CREB5: variants seen among roughly 807,000 people sequenced by gnomAD.
CREB5 encodes the protein cAMP responsive element binding protein 5.
Under a neutral mutation model 57.1 loss-of-function variants are expected in CREB5, and 19 were observed. The observed-to-expected ratio is 0.33, with a 90% confidence interval of 0.23 to 0.49. CREB5 has a LOEUF of 0.49. CREB5 is among the 20% of genes least tolerant of loss of function. CREB5 has a pLI of 0.99. For synonymous variants in CREB5, 238 were observed against 238.3 expected, an observed-to-expected ratio of 1.00 and a Z score of 0.01; for missense variants, 579 against 671.6, an observed-to-expected ratio of 0.86 and a Z score of 1.52.
At chr7:28,745,187 C>A (rs543345217) in intron 7 of CREB5, among the ~76,000 whole-genome samples, 146 of 152,306 alleles carry the variant, frequency 9.6e-4, no homozygotes, top group African/African-American at 3.4e-3. Context: ...TGTAGTCGCT[C>A]TTTCAATGAT....
intron 5 of CREB5, among the ~76,000 whole-genome samples, chr7:28,691,880 C>A (rs1031465361): frequency 1.3e-5 from 2 of 151,848 alleles, no homozygotes; most frequent in Admixed American, 1.3e-4. Context: ...AAAAAAGAAG[C>A]AGCTGTGGCT....
intron 5 of CREB5, among the ~76,000 whole-genome samples, chr7:28,630,347 T>A (rs984103): frequency 0.36 from 53,930 of 151,694 alleles, 9,793 homozygotes; most frequent in East Asian, 0.52. Flanking sequence ...AACAAACTGC[T>A]CACTTCCAAT....
intron 1 of CREB5, among the ~76,000 whole-genome samples, chr7:28,302,330 A>G (rs1392720542): frequency 6.6e-6 from 1 of 152,210 alleles, no homozygotes; most frequent in African/African-American, 2.4e-5. Flanking sequence ...CATTTATGCA[A>G]TTCTCTAGTG....
intron 5 of CREB5, among the ~76,000 whole-genome samples, chr7:28,673,579 T>C (rs1158642685): frequency 6.6e-6 from 1 of 152,122 alleles, no homozygotes; most frequent in Non-Finnish European, 1.5e-5. Context: ...GCAATTTTAG[T>C]TTTATCCTTT....
chr7:28,522,176 T>C (rs1322557336), intron 4 of CREB5, among the ~76,000 whole-genome samples: 1 of 152,188 alleles, frequency 6.6e-6, no homozygotes, highest in Non-Finnish European at 1.5e-5. Flanking sequence ...AGCTAGTAAG[T>C]TGCAGATTGA....
intron 1 of CREB5, among the ~76,000 whole-genome samples, chr7:28,380,842 C>T (rs567299901): frequency 6.6e-6 from 1 of 152,282 alleles, no homozygotes; most frequent in East Asian, 1.9e-4. Context: ...GACAATGGTA[C>T]TACCTCGTGG....
intron 1 of CREB5, among the ~76,000 whole-genome samples, chr7:28,368,287 G>A (rs957470358): frequency 5.9e-5 from 9 of 152,128 alleles, no homozygotes; most frequent in Non-Finnish European, 1.2e-4. Context: ...ACAATGTACA[G>A]TATTCGGGTG....
chr7:28,514,283 G>T (rs191083622), intron 4 of CREB5, among the ~76,000 whole-genome samples: 160 of 152,330 alleles, frequency 1.1e-3, no homozygotes, highest in African/African-American at 3.7e-3. Flanking sequence ...AAGGGGGGAG[G>T]TGGTTGTGAC....
chr7:28,536,773 T>C (rs1233450583), intron 4 of CREB5, among the ~76,000 whole-genome samples: 1 of 152,228 alleles, frequency 6.6e-6, no homozygotes. Flanking sequence ...CACAATCTTA[T>C]TTAGTTTCAC....
intron 1 of CREB5, among the ~76,000 whole-genome samples, chr7:28,303,801 A>G (rs1291826012): frequency 6.6e-6 from 1 of 152,220 alleles, no homozygotes; most frequent in Admixed American, 6.5e-5. Context: ...AGAAATGTGG[A>G]CCTGATTAAT....
intron 1 of CREB5, among the ~76,000 whole-genome samples, chr7:28,455,274 C>A (rs1011018678): frequency 6.6e-5 from 10 of 152,114 alleles, no homozygotes; most frequent in African/African-American, 2.2e-4. Context: ...GATGGATGGA[C>A]AGACTGGGAT....
Position 28,596,499 on chromosome 7 carries a change from T to C in CREB5, c.464+25962T>C, listed in dbSNP as rs73301199. Among the ~76,000 whole-genome samples the C allele has an allele frequency of 6.0e-3, 915 of 152,302 alleles. 11 individuals are homozygous for C. Among genetic ancestry groups the C allele is most frequent in the African/African-American group, 0.021 (878 of 41,544 alleles). On this transcript the variant is annotated intron_variant, in intron 5 of 10. Coordinates refer to ENST00000357727, the MANE Select transcript of CREB5 (RefSeq NM_182898.4). Reference sequence around the variant, plus strand: ...GCATCTCAATTGCTCATTTGAACAGTTCATATTAAATTATTGAAAGGAGAA... The same window carrying C: ...GCATCTCAATTGCTCATTTGAACAGCTCATATTAAATTATTGAAAGGAGAA...
intron 7 of CREB5, among the ~76,000 whole-genome samples, chr7:28,740,367 T>C (rs2128756499): frequency 6.6e-6 from 1 of 152,322 alleles, no homozygotes; most frequent in Non-Finnish European, 1.5e-5. Flanking sequence ...CCTTTCTGTT[T>C]GGTATTTTTC....
rs1238367079 is a variant in CREB5 at position 28,622,259 on chromosome 7, T to TCTCACA, written c.464+51723_464+51724insTCACAC. On this transcript the variant is annotated intron_variant, in intron 5 of 10. Coordinates refer to ENST00000357727, the MANE Select transcript of CREB5 (RefSeq NM_182898.4). ...TACACACATTCTCTCTCTCTCTCTCTCACACACACACACACACACACACAC... is the reference window on the plus strand; with the variant it reads ...TACACACATTCTCTCTCTCTCTCTCTCTCACACACACACACACACACACACACACAC... Among the ~76,000 whole-genome samples, 39 of 142,896 alleles carry TCTCACA rather than the reference T, an allele frequency of 2.7e-4. 1 individual carries two copies. The highest frequency in any genetic ancestry group is 9.7e-4 in the African/African-American group (38 of 39,038). The allele number at this position is 142,896 out of a possible 152,430, so 93.7% of individuals were successfully genotyped here.
intron 1 of CREB5, among the ~76,000 whole-genome samples, chr7:28,342,714 A>C (rs1190610118): frequency 6.6e-6 from 1 of 152,216 alleles, no homozygotes; most frequent in Non-Finnish European, 1.5e-5. Flanking sequence ...TGGCCTTGAA[A>C]GGAACAGATT....
chr7:28,695,317 C>T lies in CREB5; in HGVS notation c.465-23436C>T, dbSNP rs530581182. Among the ~76,000 whole-genome samples, 22 of 152,282 alleles carry T rather than the reference C, an allele frequency of 1.4e-4. No homozygotes were observed. The East Asian group carries it at 3.3e-3, about 23-fold the overall frequency. ...TCAGTGCCCAGACCAAGCTCTAAGG[C>T]GGTGAGGAGCACATTTCTGCCCTGC... On this transcript the variant is annotated intron_variant, in intron 5 of 10. Transcript: ENST00000357727.
In CREB5 at chr7:28,496,798, GTT is replaced by G. The variant is rs10542662; in HGVS notation, c.169+1811_169+1812del. On this transcript the variant is annotated intron_variant, in intron 3 of 10. Transcript: ENST00000357727. ...CACCTCTCAGCCTCTGTTTGTTATT[GTT>G]TTTTTTTTTTTATGAGCTTGCTCTT... Among the ~76,000 whole-genome samples the G allele has an allele frequency of 2.9e-3, 433 of 148,354 alleles. 7 individuals are homozygous for G. The East Asian group carries it at 0.058, about 20-fold the overall frequency.
At chr7:28,528,488 T>G (rs1793547296) in intron 4 of CREB5, among the ~76,000 whole-genome samples, 1 of 152,146 alleles carries the variant, frequency 6.6e-6, no homozygotes, top group Non-Finnish European at 1.5e-5. Context: ...GAGGATCAGC[T>G]GAGGTTGGGA....
intron 1 of CREB5, among the ~76,000 whole-genome samples, chr7:28,474,998 T>TA (rs1369558043): frequency 4.7e-4 from 71 of 152,310 alleles, no homozygotes; most frequent in African/African-American, 1.7e-3. Flanking sequence ...TCCCAAGCAT[T>TA]AAAAAATTCA....
Sources: gnomAD v4.1 joint callset for allele counts (sites outside exome capture counted in the v4.1 genomes callset) on GRCh38, gnomAD v4.1.1 for gene constraint, MANE v1.5 for transcripts, NCBI Gene and HGNC (gene_info 2026-07-23, HGNC 2026-07-21) for gene names.